PRKG1: variants seen among roughly 807,000 people sequenced by gnomAD.
PRKG1 encodes cGMP-dependent protein kinase 1.
In PRKG1, 35 loss-of-function variants were observed where a neutral mutation model predicts 88.1. That is an observed-to-expected ratio of 0.40 (90% confidence interval 0.30 to 0.53). The LOEUF (loss-of-function observed/expected upper bound fraction) is 0.53. Ranked by LOEUF, PRKG1 falls within the 20% of genes least tolerant of loss-of-function variation. PRKG1 has a pLI of 0.59. For missense variants in PRKG1, 540 were observed against 839.8 expected, an observed-to-expected ratio of 0.64 and a Z score of 4.41; for synonymous variants, 303 against 292.5, an observed-to-expected ratio of 1.04 and a Z score of -0.37.
At chr10:51,485,943 T>A (rs1475962019) in intron 3 of PRKG1, among the ~76,000 whole-genome samples, 1 of 152,166 alleles carries the variant, frequency 6.6e-6, no homozygotes, top group African/African-American at 2.4e-5. Context: ...AGGCAACAGT[T>A]CTCATTAGAA....
chr10:51,843,581 A>G (rs966579917), intron 4 of PRKG1, among the ~76,000 whole-genome samples: 2 of 152,168 alleles, frequency 1.3e-5, no homozygotes, highest in Non-Finnish European at 2.9e-5. Flanking sequence ...GTTCAGCTTT[A>G]ATGTCACCTG....
At chr10:51,107,248 G>T (rs1844859891) in intron 1 of PRKG1, among the ~76,000 whole-genome samples, 1 of 152,178 alleles carries the variant, frequency 6.6e-6, no homozygotes, top group African/African-American at 2.4e-5. Flanking sequence ...CACAAGGTAA[G>T]GAGTTGGGTA....
At chr10:52,248,772 A>G (rs1389736045) in intron 9 of PRKG1, among the ~76,000 whole-genome samples, 3 of 151,864 alleles carry the variant, frequency 2.0e-5, no homozygotes, top group Non-Finnish European at 4.4e-5. Flanking sequence ...GTCAGGTAAT[A>G]GCTATAAACA....
rs111860057 is a variant in PRKG1, at chr10:52,125,616, G to A, written c.936-8224G>A. The A allele has an allele frequency of 7.9e-5, 12 of 152,138 alleles. 1 individual carries two copies. The highest frequency in any genetic ancestry group is 2.9e-4 in the African/African-American group (12 of 41,436). The allele number at this position is 152,138 out of a possible 1,614,324, so 9.4% of individuals were successfully genotyped here. A position where few individuals can be genotyped will look rare whatever the true frequency, so the allele number is the denominator to read the frequency against. On this transcript the variant is annotated intron_variant, in intron 7 of 17. Coordinates refer to ENST00000373980, the MANE Select transcript of PRKG1 (RefSeq NM_006258.4). Reference sequence around the variant, plus strand: ...CTGTTTGTGTCTTCCACCCACAAATGTAATGCCTTTCCTATCTTAACTAAG... The same window carrying A: ...CTGTTTGTGTCTTCCACCCACAAATATAATGCCTTTCCTATCTTAACTAAG...
chr10:51,618,579 T>C (rs1332328209), intron 3 of PRKG1, among the ~76,000 whole-genome samples: 3 of 152,196 alleles, frequency 2.0e-5, no homozygotes, highest in Non-Finnish European at 4.4e-5. Flanking sequence ...ATGCTGTGAA[T>C]AGGTACTATT....
intron 3 of PRKG1, among the ~76,000 whole-genome samples, chr10:51,715,106 T>C (rs1841855222): frequency 6.6e-6 from 1 of 152,208 alleles, no homozygotes; most frequent in Non-Finnish European, 1.5e-5. Flanking sequence ...AATAATAGTT[T>C]CCTGTGTGTA....
At chr10:51,440,231 A>G (rs945773597) in intron 2 of PRKG1, among the ~76,000 whole-genome samples, 1 of 151,866 alleles carries the variant, frequency 6.6e-6, no homozygotes, top group Non-Finnish European at 1.5e-5. Context: ...CCTATAAAAA[A>G]TATATACCTT....
At chr10:51,201,471 T>A (rs916186831) in intron 2 of PRKG1, among the ~76,000 whole-genome samples, 2 of 152,048 alleles carry the variant, frequency 1.3e-5, no homozygotes, top group Admixed American at 1.3e-4. Flanking sequence ...AAAATAAAAA[T>A]TAAAGCAGGA....
rs752868245 is a variant in PRKG1, at chr10:51,698,366, G to A, written c.593-106219G>A. 1.2e-5 allele frequency: 20 copies of A among 1,613,956 alleles called. No homozygotes were observed. The highest frequency in any genetic ancestry group is 2.7e-5 in the African/African-American group (2 of 74,904). On this transcript the variant is annotated intron_variant, in intron 3 of 17. Coordinates refer to ENST00000373980, the MANE Select transcript of PRKG1 (RefSeq NM_006258.4). The stretch of plus-strand genomic sequence containing the variant: ...CCTTTGATCTATCATGGGGCCTCTG[G>A]GCTCTCCAATTAGCAGTCTGGGATC...
In PRKG1 at chr10:52,133,886, T is replaced by A. The variant is rs773803945; in HGVS notation, c.982T>A (p.Cys328Ser). ...ANVIAAEAVT[C>S]LVIDRDSFKH... ...CGTAATTGCTGCAGAAGCTGTAACCTGCCTTGTGATTGACAGAGAGTAAGT... is the reference window on the plus strand; with the variant it reads ...CGTAATTGCTGCAGAAGCTGTAACCAGCCTTGTGATTGACAGAGAGTAAGT... Residue 328 changes from cysteine to serine, a missense_variant, in exon 8 of 18, where the codon TGC (cysteine) becomes AGC (serine). Physicochemically the swap from Cys to Ser is moderately radical, Grantham distance 112 (BLOSUM62 -1). Coordinates refer to ENST00000373980, the MANE Select transcript of PRKG1 (RefSeq NM_006258.4). 4 of 1,612,946 alleles carry A rather than the reference T, an allele frequency of 2.5e-6. No individual in the cohort carries two copies. In the East Asian group the frequency reaches 8.9e-5, roughly 36 times the overall value.
At chr10:51,687,878 G>C (rs1401547095) in intron 3 of PRKG1, among the ~76,000 whole-genome samples, 1 of 152,148 alleles carries the variant, frequency 6.6e-6, no homozygotes, top group African/African-American at 2.4e-5. Context: ...TTTCAATTAT[G>C]CTGTCTTAGG....
intron 1 of PRKG1, among the ~76,000 whole-genome samples, chr10:51,141,227 T>C (rs1404859549): frequency 1.3e-5 from 2 of 152,160 alleles, no homozygotes; most frequent in African/African-American, 2.4e-5. Flanking sequence ...TTAACTGCAG[T>C]TCAAGCATAC....
rs555542534 is a variant in PRKG1, at chr10:51,143,558, C to T, written c.312-9606C>T. ...TTTGAGGAATCTTCATACTATTTTC[C>T]GTAATGGCTATAGTAATTTATATTC... is the stretch of plus-strand genomic sequence containing the variant. On this transcript the variant is annotated intron_variant, in intron 1 of 17. Coordinates refer to ENST00000373980, the MANE Select transcript of PRKG1 (RefSeq NM_006258.4). Among the ~76,000 whole-genome samples the T allele has an allele frequency of 7.2e-5, 11 of 152,050 alleles. No homozygotes were observed. In the South Asian group the frequency reaches 1.0e-3, roughly 14 times the overall value.
intron 3 of PRKG1, among the ~76,000 whole-genome samples, chr10:51,756,834 AAT>A (rs1427054243): frequency 6.6e-6 from 1 of 151,628 alleles, no homozygotes; most frequent in Non-Finnish European, 1.5e-5. Flanking sequence ...TAAATAAATA[AAT>A]AAAATAATAA....
intron 5 of PRKG1, among the ~76,000 whole-genome samples, chr10:52,028,332 G>T (rs936012591): frequency 1.3e-5 from 2 of 152,172 alleles, no homozygotes; most frequent in African/African-American, 4.8e-5. Flanking sequence ...ACAGAACCCT[G>T]CAAGCCTGAG....
At chr10:51,572,746 T>TGG (rs1173285560) in intron 3 of PRKG1, among the ~76,000 whole-genome samples, 2 of 151,744 alleles carry the variant, frequency 1.3e-5, no homozygotes, top group Non-Finnish European at 2.9e-5. Flanking sequence ...CAAGTGATTC[T>TGG]GATATGCACG....
chr10:51,371,754 C>T (rs1215258160), intron 2 of PRKG1, among the ~76,000 whole-genome samples: 2 of 152,174 alleles, frequency 1.3e-5, no homozygotes, highest in Non-Finnish European at 1.5e-5. Context: ...AGGCTTTCCT[C>T]CTCAGTCACC....
chr10:51,361,120 C>G (rs1564461553), intron 2 of PRKG1, among the ~76,000 whole-genome samples: 1 of 151,798 alleles, frequency 6.6e-6, no homozygotes, highest in Non-Finnish European at 1.5e-5. Context: ...TGTCTTATTG[C>G]TGGAAATGTA....
In PRKG1 at chr10:52,294,079, C is replaced by G. The variant is rs1384203985; in HGVS notation, c.*179C>G. 1.0e-5 allele frequency: 5 copies of G among 483,262 alleles called. No individual in the cohort carries two copies. Among genetic ancestry groups the G allele is most frequent in the Non-Finnish European group, 1.1e-5 (3 of 274,256 alleles). The allele number at this position is 483,262 out of a possible 1,614,324, so 29.9% of individuals were successfully genotyped here. On this transcript the variant is annotated 3_prime_UTR_variant, in exon 18 of 18. Coordinates refer to ENST00000373980, the MANE Select transcript of PRKG1 (RefSeq NM_006258.4). The stretch of plus-strand genomic sequence containing the variant: ...TTACCGCTTAGATGACAATAGTGCT[C>G]TTTACATGTTTTCTGTTTGAACCTA...
Sources: allele counts gnomAD v4.1 joint callset (sites outside exome capture counted in the v4.1 genomes callset), GRCh38; gene constraint gnomAD v4.1.1; transcripts MANE v1.5; gene names NCBI Gene and HGNC (gene_info 2026-07-23, HGNC 2026-07-21).